MELK: variants seen among roughly 807,000 people sequenced by gnomAD.
MELK encodes the protein pEg3 kinase.
In MELK, 81 loss-of-function variants were observed where a neutral mutation model predicts 85.0. The ratio of observed to expected loss-of-function variants is 0.95; its 90% CI spans 0.80 to 1.15. The LOEUF (loss-of-function observed/expected upper bound fraction) is 1.15. Ranked by LOEUF, MELK falls within the 50% of genes most tolerant of loss-of-function variation. The pLI is 0.00. For synonymous variants in MELK, 252 were observed against 265.0 expected, an observed-to-expected ratio of 0.95 and a Z score of 0.48; for missense variants, 754 against 777.5, an observed-to-expected ratio of 0.97 and a Z score of 0.36.
rs904159832 is a variant in MELK, at chr9:36,581,987, A to C, written c.58+248A>C. Among the ~76,000 whole-genome samples the C allele has an allele frequency of 7.4e-5, 11 of 149,352 alleles. 2 individuals are homozygous for C. The South Asian group carries it at 1.9e-3, about 26-fold the overall frequency. ...TTTCTTTTATTTCTTTTTTTTTTTG[A>C]GACGGAGTCTCACTCTGTCGCCCAG... On this transcript the variant is annotated intron_variant, in intron 2 of 17. Transcript: ENST00000298048.
intron 7 of MELK, among the ~76,000 whole-genome samples, chr9:36,601,822 A>G (rs958035650): frequency 2.0e-5 from 3 of 152,260 alleles, no homozygotes; most frequent in Admixed American, 6.5e-5. Context: ...ATCATACAAT[A>G]TTTGTCTTTT....
intron 1 of MELK, among the ~76,000 whole-genome samples, chr9:36,580,339 G>GA (rs1292059168): frequency 2.0e-5 from 3 of 146,484 alleles, no homozygotes; most frequent in Non-Finnish European, 4.5e-5. Flanking sequence ...TTTTTTTTGA[G>GA]ACGGAGTTTC....
intron 7 of MELK, among the ~76,000 whole-genome samples, chr9:36,603,879 T>TAGC (rs1488099664): frequency 1.3e-5 from 2 of 152,226 alleles, no homozygotes; most frequent in Non-Finnish European, 2.9e-5. Flanking sequence ...TAAGTGTTGG[T>TAGC]AGCACTATGG....
Position 36,677,483 on chromosome 9 carries a change from T to A in MELK, c.*146T>A. On this transcript the variant is annotated 3_prime_UTR_variant, in exon 18 of 18. Transcript: ENST00000298048. Reference sequence around the variant, plus strand: ...CTTAAGACCAATATCTCTTTGTTTTTAAACAAAAGATATTATTTTGTGTAT... The same window carrying A: ...CTTAAGACCAATATCTCTTTGTTTTAAAACAAAAGATATTATTTTGTGTAT... 2 of 625,368 alleles carry A rather than the reference T, an allele frequency of 3.2e-6. No individual in the cohort carries two copies. Among genetic ancestry groups the A allele is most frequent in the Non-Finnish European group, 5.0e-6 (2 of 400,670 alleles). 38.7% of individuals were successfully genotyped at this position (625,368 alleles called of 1,614,324 possible).
chr9:36,596,572 GTTTTTTTTGTTTTTTTTGT>G (rs1217363058), intron 5 of MELK, among the ~76,000 whole-genome samples: 6 of 96,076 alleles, frequency 6.2e-5, no homozygotes, highest in Admixed American at 1.9e-4. Flanking sequence ...TGTTTTTTTT[GTTTTTTTTGTTTTTTTTGT>G]TTTTTTTTTT....
intron 11 of MELK, among the ~76,000 whole-genome samples, chr9:36,643,566 G>T (rs757242703): frequency 9.9e-5 from 15 of 152,066 alleles, no homozygotes; most frequent in Non-Finnish European, 2.2e-4. Context: ...CCTGATGTGT[G>T]CTAGATATCT....
intron 8 of MELK, among the ~76,000 whole-genome samples, chr9:36,629,493 CCT>C (rs1207418203): frequency 1.6e-4 from 25 of 152,212 alleles, no homozygotes; most frequent in African/African-American, 5.5e-4. Flanking sequence ...GAGGTATTTA[CCT>C]TAGAAAGTGG....
intron 11 of MELK, among the ~76,000 whole-genome samples, chr9:36,648,151 G>T (rs928660404): frequency 6.6e-6 from 1 of 151,908 alleles, no homozygotes; most frequent in Non-Finnish European, 1.5e-5. Flanking sequence ...AGTTTACGTC[G>T]AACACTTCCT....
chr9:36,585,735 G>A (rs976603366), intron 3 of MELK, among the ~76,000 whole-genome samples: 1 of 152,064 alleles, frequency 6.6e-6, no homozygotes, highest in Non-Finnish European at 1.5e-5. Flanking sequence ...CCAGGAGTTC[G>A]AGACTAGCCT....
intron 11 of MELK, among the ~76,000 whole-genome samples, chr9:36,647,062 A>G (rs1040649044): frequency 1.3e-5 from 2 of 152,280 alleles, no homozygotes; most frequent in African/African-American, 4.8e-5. Flanking sequence ...TGAACACAGA[A>G]CTCTCCTGTG....
At chr9:36,591,575 A>G (rs934875009) in intron 4 of MELK, among the ~76,000 whole-genome samples, 1 of 151,996 alleles carries the variant, frequency 6.6e-6, no homozygotes, top group Non-Finnish European at 1.5e-5. Context: ...CTCTGTCTCA[A>G]AAAAGAAAAA....
intron 8 of MELK, among the ~76,000 whole-genome samples, chr9:36,621,670 C>T (rs1019028094): frequency 3.3e-5 from 5 of 152,142 alleles, no homozygotes; most frequent in African/African-American, 1.2e-4. Flanking sequence ...TCATGGTGAT[C>T]CTAATTTATT....
intron 4 of MELK, among the ~76,000 whole-genome samples, chr9:36,593,749 T>C (rs1823888983): frequency 6.6e-6 from 1 of 152,220 alleles, no homozygotes; most frequent in Non-Finnish European, 1.5e-5. Context: ...TGGAGTGCAG[T>C]GGTGCAATCT....
At chr9:36,641,602 ATT>A (rs59380521) in intron 10 of MELK, among the ~76,000 whole-genome samples, 36 of 126,738 alleles carry the variant, frequency 2.8e-4, no homozygotes, top group Admixed American at 5.2e-4. Context: ...ATAAAGAGAG[ATT>A]TTTTTTTTTT....
intron 4 of MELK, among the ~76,000 whole-genome samples, 192 bp downstream of exon 4, chr9:36,589,844 A>G (rs1204766357): frequency 6.6e-6 from 1 of 152,052 alleles, no homozygotes; most frequent in Non-Finnish European, 1.5e-5. Context: ...TTTTTCTAAT[A>G]CACCCCTAAT....
chr9:36,577,843 G>A (rs891125158), intron 1 of MELK, among the ~76,000 whole-genome samples: 5 of 151,446 alleles, frequency 3.3e-5, no homozygotes, highest in African/African-American at 1.2e-4. Flanking sequence ...AGTAGAGACG[G>A]GGTTTCTCCA....
chr9:36,665,258 G>A, intron 13 of MELK, 92 bp from the exon 14 acceptor site: 3 of 708,696 alleles, frequency 4.2e-6, no homozygotes, highest in Non-Finnish European at 7.2e-6. Flanking sequence ...AATAAAAATA[G>A]TACAAGGTAG....
chr9:36,629,100 C>T (rs751691792), intron 8 of MELK, among the ~76,000 whole-genome samples: 33 of 151,964 alleles, frequency 2.2e-4, no homozygotes, highest in Non-Finnish European at 4.0e-4. Context: ...CTCCTGACCT[C>T]GTGATCCACC....
chr9:36,620,440 C>T (rs1187878225), intron 8 of MELK, among the ~76,000 whole-genome samples: 2 of 152,050 alleles, frequency 1.3e-5, no homozygotes, highest in African/African-American at 4.8e-5. Context: ...TAGAGCATTG[C>T]AGTAATCAGT....
Sources: allele counts gnomAD v4.1 joint callset (sites outside exome capture counted in the v4.1 genomes callset), GRCh38; gene constraint gnomAD v4.1.1; transcripts MANE v1.5; gene names NCBI Gene and HGNC (gene_info 2026-07-23, HGNC 2026-07-21).